TUSC3: variants seen among roughly 807,000 people sequenced by gnomAD.
TUSC3 encodes the protein dolichyl-diphosphooligosaccharide--protein glycosyltransferase subunit TUSC3.
In TUSC3, 45 loss-of-function variants were observed where a neutral mutation model predicts 44.8. That is an observed-to-expected ratio of 1.00 (90% CI 0.79 to 1.29). TUSC3 has a LOEUF of 1.29. TUSC3 is among the 50% of genes most tolerant of loss of function. The probability of loss-of-function intolerance (pLI) is 0.00; values close to 1 mark genes in which losing one functional copy is unlikely to be tolerated. For missense variants in TUSC3, 519 were observed against 437.9 expected (o/e 1.19, Z -1.65); for synonymous variants, 212 against 152.9 (o/e 1.39, Z -2.85).
At chr8:15,817,508 G>A in the TUSC3 span, among the ~76,000 whole-genome samples, 1 of 152,082 alleles carries the variant, frequency 6.6e-6, no homozygotes, top group East Asian at 1.9e-4. Context: ...GGACCTCGTG[G>A]GAGGTAATTG....
intron 2 of TUSC3, among the ~76,000 whole-genome samples, chr8:15,628,315 A>G (rs1015855597): frequency 2.0e-5 from 3 of 152,182 alleles, no homozygotes; most frequent in Non-Finnish European, 4.4e-5. Flanking sequence ...CATACTGTTA[A>G]ATGGTGCATT....
intron 2 of TUSC3, among the ~76,000 whole-genome samples, chr8:15,632,635 C>G (rs925433109): frequency 1.3e-5 from 2 of 152,114 alleles, no homozygotes; most frequent in Admixed American, 6.5e-5. Flanking sequence ...TTTGTCTGAA[C>G]TTGATATTAC....
At chr8:15,419,648 G>C (rs1220273861) in intron 1 of TUSC3, among the ~76,000 whole-genome samples, 3 of 152,098 alleles carry the variant, frequency 2.0e-5, no homozygotes, top group African/African-American at 7.2e-5. Context: ...AAATGTCAAA[G>C]GTGTTCATCC....
chr8:15,815,910 A>G, the TUSC3 span, among the ~76,000 whole-genome samples: 4 of 152,208 alleles, frequency 2.6e-5, no homozygotes, highest in African/African-American at 9.6e-5. Context: ...TTAATACAGT[A>G]GAAGTTCTCT....
At chr8:15,818,956 G>A in the TUSC3 span, among the ~76,000 whole-genome samples, 1 of 152,126 alleles carries the variant, frequency 6.6e-6, no homozygotes, top group Admixed American at 6.6e-5. Context: ...TCGTGCAGTG[G>A]TTCACACCTA....
At chr8:15,595,913 T>C (rs1804048279) in intron 1 of TUSC3, among the ~76,000 whole-genome samples, 2 of 152,218 alleles carry the variant, frequency 1.3e-5, no homozygotes, top group South Asian at 2.1e-4. Context: ...AGGTATGCCA[T>C]AGGAACTTAG....
At chr8:15,491,758 T>C (rs1267511266) in intron 2 of TUSC3, among the ~76,000 whole-genome samples, 2 of 152,216 alleles carry the variant, frequency 1.3e-5, no homozygotes, top group African/African-American at 4.8e-5. Context: ...CAGAGACATT[T>C]GCTGAAGAAA....
chr8:15,833,982 G>A, the TUSC3 span, among the ~76,000 whole-genome samples: 2 of 151,992 alleles, frequency 1.3e-5, no homozygotes, highest in Non-Finnish European at 2.9e-5. Context: ...AAGTATATGT[G>A]CATTCAAATT....
At chr8:15,817,991 G>C in the TUSC3 span, among the ~76,000 whole-genome samples, 1 of 152,144 alleles carries the variant, frequency 6.6e-6, no homozygotes, top group Non-Finnish European at 1.5e-5. Context: ...AAAGGAGGAA[G>C]CTGGAGAGAC....
At chr8:15,812,508 G>C in the TUSC3 span, among the ~76,000 whole-genome samples, 2 of 152,084 alleles carry the variant, frequency 1.3e-5, no homozygotes, top group African/African-American at 4.8e-5. Context: ...AAATATGGCC[G>C]TGGTTGCAAC....
chr8:15,772,244 C>A, the TUSC3 span, among the ~76,000 whole-genome samples: 3 of 151,946 alleles, frequency 2.0e-5, no homozygotes, highest in African/African-American at 4.8e-5. Context: ...ACAATAAAGT[C>A]AATGAAACCG....
chr8:15,650,861 T>G, intron 3 of TUSC3, 47 bp downstream of exon 3: 1 of 1,573,648 alleles, frequency 6.4e-7, no homozygotes, highest in Non-Finnish European at 8.7e-7. Flanking sequence ...TTGTTTGTGG[T>G]CGATACATTT....
At position 15,617,120 on chromosome 8, in the gene TUSC3, A is replaced by ATGTGTGTGTGTGTGTGTGTGTGTGTGTG. The variant is rs143444660; in HGVS notation, c.139-5947_139-5946insGTGTGTGTGTGTGTGTGTGTGTGTGTGT. Among the ~76,000 whole-genome samples the ATGTGTGTGTGTGTGTGTGTGTGTGTGTG allele has an allele frequency of 9.1e-3, 1,122 of 123,714 alleles. 30 individuals carry two copies. Among genetic ancestry groups the ATGTGTGTGTGTGTGTGTGTGTGTGTGTG allele is most frequent in the African/African-American group, 0.029 (884 of 30,762 alleles). The allele number at this position is 123,714 out of a possible 152,430, so 81.2% of individuals were successfully genotyped here. A position where few individuals can be genotyped will look rare whatever the true frequency, so the allele number is the denominator to read the frequency against. ...ATTTGTTTCTGTATCTATCTGTAAA[A>ATGTGTGTGTGTGTGTGTGTGTGTGTGTG]TGTGTGTGTGTGTATATATTTTTTT... is the stretch of plus-strand genomic sequence containing the variant. On this transcript the variant is annotated intron_variant, in intron 1 of 10. Coordinates refer to ENST00000503731, the MANE Select transcript of TUSC3 (RefSeq NM_006765.4).
intron 9 of TUSC3, among the ~76,000 whole-genome samples, chr8:15,756,103 G>C (rs945488504): frequency 1.3e-5 from 2 of 152,144 alleles, no homozygotes; most frequent in African/African-American, 4.8e-5. Flanking sequence ...CAGTAATTAG[G>C]AGAAGACCCG....
intron 1 of TUSC3, among the ~76,000 whole-genome samples, chr8:15,459,549 G>T (rs1175116243): frequency 2.0e-5 from 3 of 151,988 alleles, no homozygotes; most frequent in Non-Finnish European, 2.9e-5. Context: ...TGATTTGTGA[G>T]ATTTTGGTGC....
the TUSC3 span, among the ~76,000 whole-genome samples, chr8:15,775,989 T>C: frequency 6.6e-6 from 1 of 151,974 alleles, no homozygotes; most frequent in African/African-American, 2.4e-5. Flanking sequence ...TAATAATTTC[T>C]CAATTCCTAA....
At chr8:15,732,699 G>A (rs1366607977) in intron 7 of TUSC3, among the ~76,000 whole-genome samples, 3 of 152,126 alleles carry the variant, frequency 2.0e-5, no homozygotes, top group Non-Finnish European at 4.4e-5. Flanking sequence ...TAATACAAAG[G>A]CATTGTTTTT....
chr8:15,721,080 G>C (rs1228928155), intron 6 of TUSC3, among the ~76,000 whole-genome samples: 6 of 151,900 alleles, frequency 3.9e-5, no homozygotes, highest in Admixed American at 3.9e-4. Context: ...CCTATTTTTT[G>C]TTTAAACACA....
chr8:15,652,050 A>T (rs1013230334), intron 3 of TUSC3, among the ~76,000 whole-genome samples: 1 of 152,188 alleles, frequency 6.6e-6, no homozygotes, highest in African/African-American at 2.4e-5. Flanking sequence ...TTTGAACTCA[A>T]CTGTGTGGCT....
Sources: allele counts gnomAD v4.1 joint callset (sites outside exome capture counted in the v4.1 genomes callset), GRCh38; gene constraint gnomAD v4.1.1; transcripts MANE v1.5; gene names NCBI Gene and HGNC (gene_info 2026-07-23, HGNC 2026-07-21).